DCLRE1C: variants seen among roughly 807,000 people sequenced by gnomAD.
DCLRE1C encodes protein artemis.
A neutral mutation model predicts 61.4 loss-of-function variants in DCLRE1C; 47 were observed. The ratio of observed to expected loss-of-function variants is 0.77; its 90% CI spans 0.61 to 0.98. The LOEUF (loss-of-function observed/expected upper bound fraction) is 0.98. DCLRE1C is among the 50% of genes least tolerant of loss of function. The pLI is 0.00. For synonymous variants in DCLRE1C, 337 were observed against 287.6 expected, an observed-to-expected ratio of 1.17 and a Z score of -1.74; for missense variants, 858 against 816.0, an observed-to-expected ratio of 1.05 and a Z score of -0.63.
In DCLRE1C at chr10:14,908,450, ACT is replaced by A; in HGVS notation, c.2035_2036del (p.Ser679TyrfsTer22). 9 of 1,613,458 alleles carry A rather than the reference ACT, an allele frequency of 5.6e-6. No homozygotes were observed. The highest frequency in any genetic ancestry group is 7.6e-6 in the Non-Finnish European group (9 of 1,179,892). The stretch of plus-strand genomic sequence containing the variant: ...AGCATTTTCTTTTTTTGACTGCTAT[ACT>A]CTCACCAGTTGCCAGCTTCTCATAT... ...YLYEKLATGE[S>X]IAVKKRKCSL... On this transcript the variant is annotated frameshift_variant, in exon 14 of 14. Coordinates refer to ENST00000378278, the MANE Select transcript of DCLRE1C (RefSeq NM_001033855.3). LOFTEE classifies it high-confidence loss of function.
In DCLRE1C at chr10:14,936,587, C is replaced by T; in HGVS notation, c.313G>A (p.Glu105Lys). 6.2e-7 allele frequency: 1 copy of T among 1,612,504 alleles called. No individual in the cohort carries two copies. Among genetic ancestry groups the T allele is most frequent in the Non-Finnish European group, 8.5e-7 (1 of 1,178,780 alleles). Residue 105 changes from glutamate (E) to lysine (K), a missense_variant, in exon 5 of 14, where the codon GAG becomes AAG. By Grantham distance (56) the Glu-to-Lys change is moderately conservative. Coordinates refer to ENST00000378278, the MANE Select transcript of DCLRE1C (RefSeq NM_001033855.3). ...LVDEASGEKE[E>K]IVVTLLPAGH... is the part of the protein sequence containing the mutation. ...GCTGGTAAGAGAGTCACAACAATCT[C>T]TTCCTTCTAAAAAGAAAATAAAGAA...
At chr10:14,935,643 T>G in intron 5 of DCLRE1C, 79 bp from the exon 6 acceptor site, 1 of 1,338,146 alleles carries the variant, frequency 7.5e-7, no homozygotes, top group Non-Finnish European at 1.1e-6. Context: ...AGCTGCATAC[T>G]AAATGCTTCC....
In DCLRE1C at chr10:14,905,126, T is replaced by G. The variant is rs1298933699; in HGVS notation, c.*3282A>C. Among the ~76,000 whole-genome samples, 1 of 152,386 alleles carries G rather than the reference T, an allele frequency of 6.6e-6. No homozygotes were observed. The highest frequency in any genetic ancestry group is 1.9e-4 in the East Asian group (1 of 5,194). On this transcript the variant is annotated 3_prime_UTR_variant, in exon 14 of 14. Coordinates refer to ENST00000378278, the MANE Select transcript of DCLRE1C (RefSeq NM_001033855.3). ...GGCAGAAAAATACTGATGTATTGACTACGTGCTAGCAAGATTAACCGAAGG... is the reference window on the plus strand; with the variant it reads ...GGCAGAAAAATACTGATGTATTGACGACGTGCTAGCAAGATTAACCGAAGG...
intron 3 of DCLRE1C, 62 bp downstream of exon 3, chr10:14,945,043 A>G: frequency 2.3e-6 from 3 of 1,317,038 alleles, no homozygotes; most frequent in Non-Finnish European, 2.1e-6. Flanking sequence ...GTTTTTGTCA[A>G]TCTACCTCTA....
chr10:14,935,374 G>T, intron 6 of DCLRE1C, 89 bp downstream of exon 6: 2 of 1,409,900 alleles, frequency 1.4e-6, no homozygotes, highest in Non-Finnish European at 2.0e-6. Flanking sequence ...GCTGAGGCAG[G>T]AGAATCGCTT....
intron 3 of DCLRE1C, among the ~76,000 whole-genome samples, chr10:14,944,735 C>T (rs1047958797): frequency 2.9e-5 from 4 of 137,126 alleles, no homozygotes; most frequent in Admixed American, 2.4e-4. Flanking sequence ...AGTGCAGTGG[C>T]GTGATCTCAG....
At chr10:14,915,351 A>G (rs1396869894) in intron 13 of DCLRE1C, among the ~76,000 whole-genome samples, 1 of 152,066 alleles carries the variant, frequency 6.6e-6, no homozygotes, top group African/African-American at 2.4e-5. Flanking sequence ...AAATAAAACC[A>G]AAAACTTCTT....
intron 3 of DCLRE1C, among the ~76,000 whole-genome samples, chr10:14,941,725 T>G (rs182099459): frequency 4.6e-3 from 694 of 152,030 alleles, no homozygotes; most frequent in African/African-American, 0.016. Context: ...CCAACATCAT[T>G]GCCTTCTTTT....
At chr10:14,933,073 A>C (rs1839296447) in intron 8 of DCLRE1C, 118 bp from the exon 9 acceptor site, 1 of 1,210,468 alleles carries the variant, frequency 8.3e-7, no homozygotes, top group Non-Finnish European at 1.2e-6. Context: ...TTCTTTCTTG[A>C]AAAGTAGTTT....
At chr10:14,925,711 A>G (rs1837858626) in intron 11 of DCLRE1C, among the ~76,000 whole-genome samples, 2 of 152,242 alleles carry the variant, frequency 1.3e-5, no homozygotes, top group Non-Finnish European at 2.9e-5. Flanking sequence ...TCCCGTGCTT[A>G]GGAACACTCG....
rs1834809882 is a variant in DCLRE1C, at chr10:14,909,091, G to A, written c.1396C>T (p.Pro466Ser). ...NSESEEEVGI[P>S]ASLQGDLGSV... is the part of the protein sequence containing the mutation. Reference sequence around the variant, plus strand: ...CCCAGATCTCCTTGCAGTGAAGCTGGGATTCCTACTTCTTCTTCACTTTCA... The same window carrying A: ...CCCAGATCTCCTTGCAGTGAAGCTGAGATTCCTACTTCTTCTTCACTTTCA... The change falls in exon 14 of 14, where the codon CCA (proline) becomes TCA (serine). Residue 466 changes from proline to serine, a missense_variant. Physicochemically the swap from Pro to Ser is moderately conservative, Grantham distance 74. Transcript: ENST00000378278. 2 of 1,614,112 alleles carry A rather than the reference G, an allele frequency of 1.2e-6. No individual in the cohort carries two copies. Among genetic ancestry groups the A allele is most frequent in the East Asian group, 2.2e-5 (1 of 44,882 alleles).
chr10:14,929,604 T>G (rs1158198862), intron 9 of DCLRE1C, among the ~76,000 whole-genome samples: 2 of 152,054 alleles, frequency 1.3e-5, no homozygotes, highest in Non-Finnish European at 2.9e-5. Flanking sequence ...ATTGCACCAC[T>G]GCACTCCAGC....
chr10:14,902,457 G>A (rs1012841891), downstream of DCLRE1C: 3 of 1,609,638 alleles, frequency 1.9e-6, no homozygotes, highest in Non-Finnish European at 2.5e-6. Flanking sequence ...GCCAAAAAGA[G>A]GGTCAGAACA....
At chr10:14,944,539 G>A (rs936759683) in intron 3 of DCLRE1C, among the ~76,000 whole-genome samples, 3 of 152,004 alleles carry the variant, frequency 2.0e-5, no homozygotes, top group Admixed American at 6.6e-5. Context: ...ATCTTAGCAA[G>A]AGGGTCAATG....
intron 6 of DCLRE1C, 92 bp from the exon 7 acceptor site, chr10:14,934,867 G>T (rs1412679278): frequency 3.3e-6 from 3 of 909,048 alleles, no homozygotes; most frequent in Non-Finnish European, 3.6e-6. Context: ...TCGCTCTGTT[G>T]CCCAGGCTGA....
At chr10:14,954,206 C>T, upstream of DCLRE1C, 1 of 852,570 alleles carries the variant, frequency 1.2e-6, no homozygotes. Flanking sequence ...GCGCCCGCTG[C>T]TTGGGTTTAA....
At chr10:14,936,051 AC>A (rs1839854015) in intron 5 of DCLRE1C, among the ~76,000 whole-genome samples, 1 of 151,984 alleles carries the variant, frequency 6.6e-6, no homozygotes. Context: ...GTGCCACCAC[AC>A]CCGGCTAATG....
chr10:14,899,133 A>C lies in DCLRE1C; in HGVS notation c.*31T>G, dbSNP rs779054553. On this transcript the variant is annotated 3_prime_UTR_variant, in exon 14 of 14. Coordinates refer to the DCLRE1C transcript ENST00000378289. ...CCAGGAGTTCCAGACCAGTGTGGGCAACATAGTGAGACCCCACATCTCTAT... is the reference window on the plus strand; with the variant it reads ...CCAGGAGTTCCAGACCAGTGTGGGCCACATAGTGAGACCCCACATCTCTAT... 4 of 677,716 alleles carry C rather than the reference A, an allele frequency of 5.9e-6. No homozygotes were observed. The South Asian group carries it at 6.3e-5, about 11-fold the overall frequency. The allele number at this position is 677,716 out of a possible 1,614,324, so 42.0% of individuals were successfully genotyped here. A position where few individuals can be genotyped will look rare whatever the true frequency, so the allele number is the denominator to read the frequency against.
intron 11 of DCLRE1C, among the ~76,000 whole-genome samples, chr10:14,924,624 G>A (rs1837649513): frequency 6.6e-6 from 1 of 152,052 alleles, no homozygotes; most frequent in East Asian, 1.9e-4. Flanking sequence ...CGAGCCGGGT[G>A]GATCACAAGG....
Sources: gnomAD v4.1 joint callset for allele counts (sites outside exome capture counted in the v4.1 genomes callset) on GRCh38, gnomAD v4.1.1 for gene constraint, MANE v1.5 for transcripts, NCBI Gene and HGNC (gene_info 2026-07-23, HGNC 2026-07-21) for gene names.